Variants in KPNA5 observed in about 807,000 individuals in gnomAD.
The protein encoded by KPNA5 is importin subunit alpha-6.
KPNA5 carries 46 observed loss-of-function variants against 71.3 expected under a neutral mutation model. The ratio of observed to expected loss-of-function variants is 0.65; its 90% CI spans 0.51 to 0.83. The LOEUF is 0.83. Among genes scored for constraint, KPNA5 ranks in the 40% least tolerant of loss-of-function variants. The pLI is 0.00. For missense variants in KPNA5, 547 were observed against 628.3 expected (o/e 0.87, Z 1.38); for synonymous variants, 207 against 201.4 (o/e 1.03, Z -0.24).
intron 7 of KPNA5, among the ~76,000 whole-genome samples, chr6:116,712,012 C>T (rs541990644): frequency 4.6e-5 from 7 of 152,260 alleles, no homozygotes; most frequent in Non-Finnish European, 8.8e-5. Flanking sequence ...GGTGCAGCCT[C>T]GGCTCATTGA....
At chr6:116,711,008 C>T (rs1478824104) in intron 7 of KPNA5, among the ~76,000 whole-genome samples, 1 of 149,982 alleles carries the variant, frequency 6.7e-6, no homozygotes, top group African/African-American at 2.4e-5. Flanking sequence ...GATTCTTTCA[C>T]CTCCGCCTCC....
In KPNA5 at chr6:116,681,275, C is replaced by G; in HGVS notation, c.-60C>G. 1 of 1,605,972 alleles carries G rather than the reference C, an allele frequency of 6.2e-7. No individual in the cohort carries two copies. Among genetic ancestry groups the G allele is most frequent in the East Asian group, 2.3e-5 (1 of 44,374 alleles). The stretch of plus-strand genomic sequence containing the variant: ...GGGCGGAGTGGCGGCCCTTCTGTTA[C>G]CCGCCACACACGTCGCCGCTGGGGA... On this transcript the variant is annotated 5_prime_UTR_variant, in exon 1 of 14. Coordinates refer to ENST00000368564, the MANE Select transcript of KPNA5 (RefSeq NM_001366306.2).
At chr6:116,730,082 T>C (rs62424414) in intron 13 of KPNA5, among the ~76,000 whole-genome samples, 1 of 141,996 alleles carries the variant, frequency 7.0e-6, no homozygotes, top group South Asian at 2.3e-4. Flanking sequence ...TAAAAATATG[T>C]AATTTTTTTT....
intron 11 of KPNA5, among the ~76,000 whole-genome samples, 187 bp downstream of exon 11, chr6:116,726,063 T>A (rs984468026): frequency 6.6e-6 from 1 of 150,684 alleles, no homozygotes; most frequent in Non-Finnish European, 1.5e-5. Context: ...GAACATCAAG[T>A]GTGTGTGTGT....
chr6:116,729,220 T>TAA (rs371973712), intron 12 of KPNA5, among the ~76,000 whole-genome samples: 21,679 of 118,394 alleles, frequency 0.18, 2,669 homozygotes, highest in East Asian at 0.26. Flanking sequence ...GGCTTGCCTT[T>TAA]AAAAAAAAAA....
Position 116,726,640 on chromosome 6 carries a change from TA to T in KPNA5, c.1253+20del, listed in dbSNP as rs769709988. ...CAAATAAGGTATGATATAAACTTCTTAATTGTTTTTTACATGTAAATGAGAC... is the reference window on the plus strand; with the variant it reads ...CAAATAAGGTATGATATAAACTTCTTATTGTTTTTTACATGTAAATGAGAC... On this transcript the variant is annotated intron_variant, in intron 12 of 13. Transcript: ENST00000368564. 5 of 1,530,674 alleles carry T rather than the reference TA, an allele frequency of 3.3e-6. No homozygotes were observed. In the African/African-American group the frequency reaches 7.1e-5, roughly 22 times the overall value. 94.8% of individuals were successfully genotyped at this position (1,530,674 alleles called of 1,614,324 possible).
intron 13 of KPNA5, among the ~76,000 whole-genome samples, chr6:116,731,599 C>G (rs1779484311): frequency 6.6e-6 from 1 of 152,046 alleles, no homozygotes; most frequent in Non-Finnish European, 1.5e-5. Context: ...CTTTCAGTTT[C>G]AATTGTAGAT....
At chr6:116,708,250 C>A (rs1778522495) in intron 7 of KPNA5, among the ~76,000 whole-genome samples, 1 of 152,056 alleles carries the variant, frequency 6.6e-6, no homozygotes, top group Non-Finnish European at 1.5e-5. Flanking sequence ...GTTTTTAATT[C>A]TTGTGGGTAT....
rs959484398 is a variant in KPNA5, at chr6:116,699,023, A to G, written c.435+225A>G. 1.1e-4 allele frequency among the ~76,000 whole-genome samples: 17 copies of G among 152,082 alleles called. 1 individual carries two copies. The highest frequency in any genetic ancestry group is 1.5e-5 in the Non-Finnish European group (1 of 67,912). ...AATTTTGGAAAAAGTATATAAAATC[A>G]TTACTAATGTTAATAAACAATTTAT... On this transcript the variant is annotated intron_variant, in intron 5 of 13. Transcript: ENST00000368564.
At position 116,698,807 on chromosome 6, in the gene KPNA5, A is replaced by G. The variant is rs368126449; in HGVS notation, c.435+9A>G. Reference sequence around the variant, plus strand: ...AAAATTGCACTTTACAAGTGAGTCTAAAGTTTTCTTTCTTAATTTTTCTCT... The same window carrying G: ...AAAATTGCACTTTACAAGTGAGTCTGAAGTTTTCTTTCTTAATTTTTCTCT... On this transcript the variant is annotated intron_variant, in intron 5 of 13. Coordinates refer to ENST00000368564, the MANE Select transcript of KPNA5 (RefSeq NM_001366306.2). 36 of 1,468,532 alleles carry G rather than the reference A, an allele frequency of 2.5e-5. No homozygotes were observed. The highest frequency in any genetic ancestry group is 3.1e-5 in the Non-Finnish European group (33 of 1,078,776). The allele number at this position is 1,468,532 out of a possible 1,614,324, so 91.0% of individuals were successfully genotyped here. A position where few individuals can be genotyped will look rare whatever the true frequency, so the allele number is the denominator to read the frequency against.
intron 4 of KPNA5, among the ~76,000 whole-genome samples, chr6:116,693,706 C>T (rs1217834202): frequency 6.8e-6 from 1 of 147,040 alleles, no homozygotes; most frequent in African/African-American, 2.5e-5. Context: ...CTCTGATGGT[C>T]GTTTCTTTTG....
In KPNA5 at chr6:116,681,220, T is replaced by C; in HGVS notation, c.-115T>C. The stretch of plus-strand genomic sequence containing the variant: ...GGCGCAGGTGGCCGCCATCTTGGAT[T>C]GCGAACTGGGTCGCTACGCTTCACG... On this transcript the variant is annotated 5_prime_UTR_variant, in exon 1 of 14. Transcript: ENST00000368564. The C allele has an allele frequency of 4.2e-6, 6 of 1,443,446 alleles. No individual in the cohort carries two copies. Among genetic ancestry groups the C allele is most frequent in the Non-Finnish European group, 5.8e-6 (6 of 1,038,508 alleles). 89.4% of individuals were successfully genotyped at this position (1,443,446 alleles called of 1,614,324 possible).
At position 116,741,253 on chromosome 6, in the gene KPNA5, C is replaced by T. The variant is rs1047151086; in HGVS notation, c.*8930C>T. 5.9e-5 allele frequency: 9 copies of T among 152,018 alleles called. No individual in the cohort carries two copies. The highest frequency in any genetic ancestry group is 1.3e-4 in the Non-Finnish European group (9 of 67,994). 9.4% of individuals were successfully genotyped at this position (152,018 alleles called of 1,614,324 possible). On this transcript the variant is annotated 3_prime_UTR_variant, in exon 14 of 14. Transcript: ENST00000368564. Reference sequence around the variant, plus strand: ...CTAAGAGAGGTGTGTTAAAATCTCCCAAGATGATTGGTGGATTTTGAATTT... The same window carrying T: ...CTAAGAGAGGTGTGTTAAAATCTCCTAAGATGATTGGTGGATTTTGAATTT...
In KPNA5 at chr6:116,740,665, TA is replaced by T. The variant is rs1297366922; in HGVS notation, c.*8348del. Reference sequence around the variant, plus strand: ...TACACCATGGAATACTATGCAGCCATAAAAAATGATGAGTTCATGTCCTTTG... The same window carrying T: ...TACACCATGGAATACTATGCAGCCATAAAAATGATGAGTTCATGTCCTTTG... On this transcript the variant is annotated 3_prime_UTR_variant, in exon 14 of 14. Transcript: ENST00000368564. 6.6e-6 allele frequency: 1 copy of T among 152,066 alleles called. No homozygotes were observed. The highest frequency in any genetic ancestry group is 1.9e-4 in the East Asian group (1 of 5,188). The allele number at this position is 152,066 out of a possible 1,614,324, so 9.4% of individuals were successfully genotyped here. A position where few individuals can be genotyped will look rare whatever the true frequency, so the allele number is the denominator to read the frequency against.
At position 116,704,826 on chromosome 6, in the gene KPNA5, CT is replaced by C. The variant is rs553457072; in HGVS notation, c.568-245del. Among the ~76,000 whole-genome samples the C allele has an allele frequency of 3.1e-3, 467 of 152,322 alleles. 4 individuals carry two copies. Among genetic ancestry groups the C allele is most frequent in the African/African-American group, 0.011 (448 of 41,558 alleles). ...TCCTAGACTCAAGCGATCTGTCCAC[CT>C]CAGCTTGCCAAAGTGCTGGGATTAC... On this transcript the variant is annotated intron_variant, in intron 6 of 13. Coordinates refer to ENST00000368564, the MANE Select transcript of KPNA5 (RefSeq NM_001366306.2).
chr6:116,692,815 A>G (rs1777856760), intron 4 of KPNA5, among the ~76,000 whole-genome samples: 1 of 152,078 alleles, frequency 6.6e-6, no homozygotes, highest in Non-Finnish European at 1.5e-5. Flanking sequence ...TACGTGTGCC[A>G]TGTTGGTGTG....
At chr6:116,705,672 TG>T (rs1778413638) in intron 7 of KPNA5, among the ~76,000 whole-genome samples, 1 of 152,146 alleles carries the variant, frequency 6.6e-6, no homozygotes, top group South Asian at 2.1e-4. Context: ...TTTATAGAAA[TG>T]ACATAAAATT....
intron 10 of KPNA5, among the ~76,000 whole-genome samples, chr6:116,724,612 A>C (rs1779229899): frequency 6.6e-6 from 1 of 152,060 alleles, no homozygotes; most frequent in East Asian, 1.9e-4. Context: ...TTAGTTAGAG[A>C]CAGGATATTG....
At chr6:116,732,088 A>ATATG (rs1779511564) in intron 13 of KPNA5, 48 bp from the exon 14 acceptor site, 4 of 49,196 alleles carry the variant, frequency 8.1e-5, no homozygotes, top group Non-Finnish European at 1.5e-4. Context: ...ATATATATAT[A>ATATG]TATATATATA....
Sources: gnomAD v4.1 joint callset for allele counts (sites outside exome capture counted in the v4.1 genomes callset) on GRCh38, gnomAD v4.1.1 for gene constraint, MANE v1.5 for transcripts, NCBI Gene and HGNC (gene_info 2026-07-23, HGNC 2026-07-21) for gene names.